MGAT4C: variants seen among roughly 807,000 people sequenced by gnomAD.
MGAT4C encodes the protein MGAT4 family member C.
A neutral mutation model predicts 40.1 loss-of-function variants in MGAT4C; 19 were observed. The ratio of observed to expected loss-of-function variants is 0.47; its 90% CI spans 0.33 to 0.70. The LOEUF (loss-of-function observed/expected upper bound fraction) is 0.70, where lower values mean the gene tolerates loss of function less well. MGAT4C is among the 30% of genes least tolerant of loss of function. The pLI, the probability that MGAT4C is intolerant of heterozygous loss-of-function variation, is 0.02. For synonymous variants in MGAT4C, 181 were observed against 187.1 expected (o/e 0.97, Z 0.27); for missense variants, 491 against 563.2 (o/e 0.87, Z 1.30).
At chr12:86,469,903 A>G (rs1957734271) in intron 2 of MGAT4C, among the ~76,000 whole-genome samples, 1 of 152,104 alleles carries the variant, frequency 6.6e-6, no homozygotes, top group African/African-American at 2.4e-5. Context: ...GTGGGAACTA[A>G]GAGTGTTTTT....
intron 2 of MGAT4C, among the ~76,000 whole-genome samples, chr12:86,549,232 A>T (rs1959233982): frequency 6.6e-6 from 1 of 152,106 alleles, no homozygotes; most frequent in African/African-American, 2.4e-5. Context: ...TTTTTAAAAA[A>T]TTGTATACAT....
chr12:86,045,922 T>C (rs1477658667), intron 2 of MGAT4C, among the ~76,000 whole-genome samples: 1 of 152,242 alleles, frequency 6.6e-6, no homozygotes, highest in Non-Finnish European at 1.5e-5. Flanking sequence ...ATTTATCGTG[T>C]ATTTTATTAG....
intron 1 of MGAT4C, among the ~76,000 whole-genome samples, chr12:86,244,836 A>C (rs2136055853): frequency 6.6e-6 from 1 of 152,314 alleles, no homozygotes; most frequent in Non-Finnish European, 1.5e-5. Context: ...CCCAGAGGTG[A>C]GTTTCAGGAG....
chr12:86,205,814 A>T (rs1294562694), intron 1 of MGAT4C, among the ~76,000 whole-genome samples: 1 of 152,070 alleles, frequency 6.6e-6, no homozygotes, highest in African/African-American at 2.4e-5. Flanking sequence ...ACTTTGACCT[A>T]AATTAATTTG....
intron 2 of MGAT4C, among the ~76,000 whole-genome samples, chr12:86,622,746 C>T (rs1962679530): frequency 6.6e-6 from 1 of 151,774 alleles, no homozygotes; most frequent in African/African-American, 2.4e-5. Flanking sequence ...TATCTTGCAC[C>T]CAATAAAATA....
chr12:86,389,971 G>C (rs1956135190), intron 3 of MGAT4C, among the ~76,000 whole-genome samples: 1 of 152,140 alleles, frequency 6.6e-6, no homozygotes, highest in African/African-American at 2.4e-5. Flanking sequence ...AAATGTATTT[G>C]TATAATTTGA....
At chr12:86,145,471 G>T (rs1883394210) in intron 1 of MGAT4C, among the ~76,000 whole-genome samples, 1 of 152,132 alleles carries the variant, frequency 6.6e-6, no homozygotes. Flanking sequence ...CCAAGTAGCA[G>T]ATTCTCAAAC....
chr12:86,483,301 A>G (rs1310028563), intron 2 of MGAT4C, among the ~76,000 whole-genome samples: 1 of 152,236 alleles, frequency 6.6e-6, no homozygotes, highest in Non-Finnish European at 1.5e-5. Flanking sequence ...AGACATAAAC[A>G]TTCAGTCTAC....
At chr12:86,110,807 T>C (rs1877245609) in intron 1 of MGAT4C, among the ~76,000 whole-genome samples, 1 of 151,686 alleles carries the variant, frequency 6.6e-6, no homozygotes, top group Non-Finnish European at 1.5e-5. Context: ...TATGGTACTA[T>C]TGTACAGTTG....
chr12:86,204,035 T>A (rs983925325), intron 1 of MGAT4C, among the ~76,000 whole-genome samples: 1 of 150,074 alleles, frequency 6.7e-6, no homozygotes, highest in Non-Finnish European at 1.5e-5. Flanking sequence ...ATAAAGAAAT[T>A]AGAAGCAGAA....
chr12:86,401,423 A>G (rs1258610210), intron 3 of MGAT4C, among the ~76,000 whole-genome samples: 1 of 152,078 alleles, frequency 6.6e-6, no homozygotes, highest in Non-Finnish European at 1.5e-5. Flanking sequence ...CAATAACAAC[A>G]ACAAAAATCA....
At chr12:86,677,350 C>T (rs1949886082) in intron 2 of MGAT4C, among the ~76,000 whole-genome samples, 2 of 152,236 alleles carry the variant, frequency 1.3e-5, no homozygotes, top group South Asian at 4.1e-4. Context: ...TTAGTACTAA[C>T]TTCATCTTTC....
chr12:86,827,210 C>T (rs1244271100), intron 1 of MGAT4C, among the ~76,000 whole-genome samples: 1 of 151,286 alleles, frequency 6.6e-6, no homozygotes, highest in Non-Finnish European at 1.5e-5. Context: ...CAGGGAGAGA[C>T]CATGTTGATT....
intron 1 of MGAT4C, among the ~76,000 whole-genome samples, chr12:86,164,270 G>A (rs1161509171): frequency 6.6e-6 from 1 of 152,162 alleles, no homozygotes; most frequent in Non-Finnish European, 1.5e-5. Context: ...GTGTTTCCTT[G>A]ATGATTTTGG....
At chr12:86,529,082 A>C (rs1370954391) in intron 2 of MGAT4C, among the ~76,000 whole-genome samples, 2 of 152,038 alleles carry the variant, frequency 1.3e-5, no homozygotes, top group Non-Finnish European at 2.9e-5. Flanking sequence ...ACAACAACAA[A>C]AATGGGAATG....
At chr12:86,074,405 C>T (rs974622467) in intron 1 of MGAT4C, among the ~76,000 whole-genome samples, 15 of 151,826 alleles carry the variant, frequency 9.9e-5, no homozygotes, top group African/African-American at 3.6e-4. Context: ...TCTAGAGAAC[C>T]CTGACTAATA....
chr12:86,258,219 G>A (rs1386850045), upstream of MGAT4C, among the ~76,000 whole-genome samples: 1 of 150,180 alleles, frequency 6.7e-6, no homozygotes, highest in Non-Finnish European at 1.5e-5. Context: ...TTTTTTGTTT[G>A]TTTGTTTTGG....
At chr12:86,557,996 A>T (rs1390932571) in intron 2 of MGAT4C, among the ~76,000 whole-genome samples, 1 of 152,116 alleles carries the variant, frequency 6.6e-6, no homozygotes, top group Non-Finnish European at 1.5e-5. Flanking sequence ...GCTGAATAAA[A>T]AATTAAATAA....
intron 1 of MGAT4C, among the ~76,000 whole-genome samples, chr12:86,784,666 A>G (rs1459817716): frequency 1.3e-5 from 2 of 152,010 alleles, no homozygotes; most frequent in Non-Finnish European, 2.9e-5. Flanking sequence ...CAGTAGGTAA[A>G]AGAAAAAAAA....
Sources: gnomAD v4.1 joint callset for allele counts (sites outside exome capture counted in the v4.1 genomes callset) on GRCh38, gnomAD v4.1.1 for gene constraint, MANE v1.5 for transcripts, NCBI Gene and HGNC (gene_info 2026-07-23, HGNC 2026-07-21) for gene names.